CDK13: variants seen among roughly 807,000 people sequenced by gnomAD.
The protein encoded by CDK13 is cyclin-dependent kinase 13.
Under a neutral mutation model 137.6 loss-of-function variants are expected in CDK13, and 40 were observed. The ratio of observed to expected loss-of-function variants is 0.29; its 90% CI spans 0.23 to 0.38. The LOEUF is 0.38. CDK13 is among the 10% of genes least tolerant of loss of function. The pLI is 1.00. For missense variants in CDK13, 1,704 were observed against 1,951.8 expected, an observed-to-expected ratio of 0.87 and a Z score of 2.39; for synonymous variants, 869 against 760.1, an observed-to-expected ratio of 1.14 and a Z score of -2.36.
intron 5 of CDK13, among the ~76,000 whole-genome samples, chr7:40,025,530 A>G (rs1385172797): frequency 6.6e-6 from 1 of 152,194 alleles, no homozygotes; most frequent in Non-Finnish European, 1.5e-5. Flanking sequence ...TAGTCTTAAC[A>G]GGTAGGATCT....
intron 1 of CDK13, among the ~76,000 whole-genome samples, chr7:39,958,369 A>G (rs1038844042): frequency 1.3e-5 from 2 of 151,810 alleles, no homozygotes; most frequent in Non-Finnish European, 2.9e-5. Context: ...ATTATTTTTC[A>G]CCTGTTTGCA....
chr7:40,059,545 G>C (rs1480190131), intron 7 of CDK13, among the ~76,000 whole-genome samples: 1 of 152,128 alleles, frequency 6.6e-6, no homozygotes, highest in Non-Finnish European at 1.5e-5. Flanking sequence ...TTTCGGTAGA[G>C]ATGGAGTTTT....
chr7:39,994,431 C>G (rs1021576920), intron 2 of CDK13, among the ~76,000 whole-genome samples: 7 of 152,100 alleles, frequency 4.6e-5, no homozygotes, highest in African/African-American at 1.7e-4. Flanking sequence ...ACTTTCTTTT[C>G]TTTTAACATA....
At chr7:39,994,955 A>G (rs1279000180) in intron 2 of CDK13, among the ~76,000 whole-genome samples, 1 of 151,500 alleles carries the variant, frequency 6.6e-6, no homozygotes, top group African/African-American at 2.4e-5. Flanking sequence ...AACTCTATTA[A>G]ATCTAATACA....
chr7:40,089,967 C>A lies in CDK13; in HGVS notation c.3235+1636C>A, dbSNP rs558401814. Among the ~76,000 whole-genome samples the A allele has an allele frequency of 3.3e-5, 5 of 152,254 alleles. No homozygotes were observed. The South Asian group carries it at 1.0e-3, about 32-fold the overall frequency. ...TACAAGCTTCTACTTGACCTTGGTTCAACTGCATACTTAAAGTACTCATTC... is the reference window on the plus strand; with the variant it reads ...TACAAGCTTCTACTTGACCTTGGTTAAACTGCATACTTAAAGTACTCATTC... On this transcript the variant is annotated intron_variant, in intron 12 of 13. Coordinates refer to ENST00000181839, the MANE Select transcript of CDK13 (RefSeq NM_003718.5).
At chr7:39,970,431 T>G (rs887275642) in intron 1 of CDK13, among the ~76,000 whole-genome samples, 1 of 151,988 alleles carries the variant, frequency 6.6e-6, no homozygotes, top group African/African-American at 2.4e-5. Context: ...GATAGCATAC[T>G]TACATTTTCA....
chr7:40,024,645 G>GTTTTTTTTTTTTTTTTTTTTTT (rs58010602), intron 5 of CDK13, among the ~76,000 whole-genome samples: 3 of 50,264 alleles, frequency 6.0e-5, no homozygotes, highest in African/African-American at 2.5e-4. Context: ...GTAGCTCTGT[G>GTTTTTTTTTTTTTTTTTTTTTT]TTTTTTTTTT....
chr7:40,042,477 CTTTTTTTTT>C (rs5883713), intron 5 of CDK13, among the ~76,000 whole-genome samples: 22 of 76,146 alleles, frequency 2.9e-4, no homozygotes, highest in South Asian at 2.0e-3. Flanking sequence ...TCTTTTCTTT[CTTTTTTTTT>C]TTTTTTTTTT....
At position 40,094,168 on chromosome 7, in the gene CDK13, T is replaced by G. The variant is rs1786989932; in HGVS notation, c.3727T>G (p.Leu1243Val). The G allele has an allele frequency of 9.9e-6, 16 of 1,613,904 alleles. No homozygotes were observed. Among genetic ancestry groups the G allele is most frequent in the Non-Finnish European group, 1.4e-5 (16 of 1,180,014 alleles). ...DLIQHQDMRI[L>V]ELTPEPDRPR... ...CATCCAGCATCAAGATATGAGGATC[T>G]TGGAGCTAACGCCAGAACCAGACCG... The change falls in exon 14 of 14, where the codon TTG (leucine) becomes GTG (valine). Residue 1243 changes from leucine (L) to valine (V), a missense_variant. Coordinates refer to ENST00000181839, the MANE Select transcript of CDK13 (RefSeq NM_003718.5).
chr7:40,040,418 C>T (rs1349057357), intron 5 of CDK13, among the ~76,000 whole-genome samples: 2 of 152,244 alleles, frequency 1.3e-5, no homozygotes, highest in Non-Finnish European at 2.9e-5. Flanking sequence ...CACTTTTTAA[C>T]GATGGAAATG....
intron 5 of CDK13, among the ~76,000 whole-genome samples, chr7:40,021,191 C>T (rs190516012): frequency 2.7e-5 from 4 of 150,524 alleles, no homozygotes; most frequent in Admixed American, 2.7e-4. Context: ...TCAGTTCATA[C>T]GCTTTCTTAG....
At position 40,092,832 on chromosome 7, in the gene CDK13, C is replaced by T. The variant is rs757085163; in HGVS notation, c.3283C>T (p.Leu1095=). ...CTTAAACCACAGTGAATTGGCAATT[C>T]TACTAAACCTACTACAATCTAAAAC... ...QHLNHSELAI[L]LNLLQSKTSV... The change falls in exon 13 of 14, where the codon CTA becomes TTA. Residue 1095 remains leucine (L), a synonymous_variant. Transcript: ENST00000181839. 5 of 1,614,128 alleles carry T rather than the reference C, an allele frequency of 3.1e-6. No homozygotes were observed. The highest frequency in any genetic ancestry group is 4.2e-6 in the Non-Finnish European group (5 of 1,180,042).
Position 40,009,143 on chromosome 7 carries a change from A to G in CDK13, c.2353+7112A>G, listed in dbSNP as rs149722739. Among the ~76,000 whole-genome samples the G allele has an allele frequency of 2.7e-4, 41 of 152,352 alleles. No homozygotes were observed. The East Asian group carries it at 7.5e-3, about 28-fold the overall frequency. ...ATAATGTCACTATCATCATTTGTCT[A>G]TATTTTCCTCTAGTGTCTCTTTTCT... On this transcript the variant is annotated intron_variant, in intron 5 of 13. Coordinates refer to ENST00000181839, the MANE Select transcript of CDK13 (RefSeq NM_003718.5).
intron 1 of CDK13, among the ~76,000 whole-genome samples, chr7:39,953,311 T>A (rs933766883): frequency 6.6e-6 from 1 of 152,230 alleles, no homozygotes; most frequent in African/African-American, 2.4e-5. Flanking sequence ...CTTGTAAGAC[T>A]TTGTATGTTA....
intron 2 of CDK13, among the ~76,000 whole-genome samples, chr7:39,994,532 G>A (rs1484698819): frequency 6.6e-6 from 1 of 152,146 alleles, no homozygotes; most frequent in African/African-American, 2.4e-5. Context: ...GGGGCAGACA[G>A]TAATATAAAA....
rs531498582 is a variant in CDK13 at position 40,008,677 on chromosome 7, A to G, written c.2353+6646A>G. On this transcript the variant is annotated intron_variant, in intron 5 of 13. Coordinates refer to ENST00000181839, the MANE Select transcript of CDK13 (RefSeq NM_003718.5). ...TGTTCTTAGCAACTGTAAACTATGT[A>G]TCTTTTTTTCCCCTCCTAAAAAGAG... Among the ~76,000 whole-genome samples the G allele has an allele frequency of 7.2e-5, 11 of 152,286 alleles. No individual in the cohort carries two copies. The East Asian group carries it at 2.1e-3, about 29-fold the overall frequency.
chr7:39,950,462 C>T lies in CDK13; in HGVS notation c.-180C>T. On this transcript the variant is annotated 5_prime_UTR_variant, in exon 1 of 14. Coordinates refer to ENST00000181839, the MANE Select transcript of CDK13 (RefSeq NM_003718.5). ...GGGGCCCGGAGGCTGCTGCGTACCCCACTGTGACCTGGAACCCAGGGACCC... is the reference window on the plus strand; with the variant it reads ...GGGGCCCGGAGGCTGCTGCGTACCCTACTGTGACCTGGAACCCAGGGACCC... 1 of 1,252,188 alleles carries T rather than the reference C, an allele frequency of 8.0e-7. No individual in the cohort carries two copies. Among genetic ancestry groups the T allele is most frequent in the Non-Finnish European group, 1.0e-6 (1 of 999,382 alleles). The allele number at this position is 1,252,188 out of a possible 1,614,324, so 77.6% of individuals were successfully genotyped here. A position where few individuals can be genotyped will look rare whatever the true frequency, so the allele number is the denominator to read the frequency against.
intron 9 of CDK13, chr7:40,069,414 A>G: frequency 2.4e-6 from 1 of 411,142 alleles, no homozygotes; most frequent in Non-Finnish European, 4.9e-6. Flanking sequence ...TTGGGTTCTA[A>G]TGCCAGCTCA....
chr7:39,951,341 CGCCACA>C lies in CDK13; in HGVS notation c.709_714del (p.His237_Ser238del), dbSNP rs1309927319. 3.2e-5 allele frequency: 47 copies of C among 1,460,102 alleles called. No individual in the cohort carries two copies. Among genetic ancestry groups the C allele is most frequent in the African/African-American group, 5.9e-5 (4 of 67,300 alleles). The allele number at this position is 1,460,102 out of a possible 1,614,324, so 90.4% of individuals were successfully genotyped here. A position where few individuals can be genotyped will look rare whatever the true frequency, so the allele number is the denominator to read the frequency against. On this transcript the variant is annotated inframe_deletion, in exon 1 of 14. Transcript: ENST00000181839. ...CAGCGAGGCCTCCAAGTCCCGCAGC[CGCCACA>C]GCCACAGCGGCGAGGAACGGGCCGA...
Sources: gnomAD v4.1 joint callset for allele counts (sites outside exome capture counted in the v4.1 genomes callset) on GRCh38, gnomAD v4.1.1 for gene constraint, MANE v1.5 for transcripts, NCBI Gene and HGNC (gene_info 2026-07-23, HGNC 2026-07-21) for gene names.